Variants in TENT4B observed in about 807,000 individuals in gnomAD.
TENT4B encodes the protein terminal nucleotidyltransferase 4B.
A neutral mutation model predicts 75.0 loss-of-function variants in TENT4B; 10 were observed. The ratio of observed to expected loss-of-function variants is 0.13; its 90% CI spans 0.08 to 0.23. The LOEUF (loss-of-function observed/expected upper bound fraction) is 0.23. TENT4B is among the 10% of genes least tolerant of loss of function. TENT4B has a pLI of 1.00. For synonymous variants in TENT4B, 350 were observed against 357.7 expected (o/e 0.98, Z 0.24); for missense variants, 579 against 893.8 (o/e 0.65, Z 4.49).
intron 1 of TENT4B, among the ~76,000 whole-genome samples, chr16:50,191,789 C>T (rs2038645081): frequency 6.6e-6 from 1 of 151,914 alleles, no homozygotes; most frequent in Admixed American, 6.6e-5. Context: ...CATGGTGGCA[C>T]ATGCCTGTAA....
intron 3 of TENT4B, among the ~76,000 whole-genome samples, 152 bp downstream of exon 3, chr16:50,214,419 G>T (rs938955333): frequency 1.3e-5 from 2 of 152,164 alleles, no homozygotes; most frequent in Non-Finnish European, 2.9e-5. Context: ...ACTTCGGGAG[G>T]CCAAGGAGGG....
At chr16:50,192,454 T>A (rs2029916264) in intron 1 of TENT4B, among the ~76,000 whole-genome samples, 1 of 152,104 alleles carries the variant, frequency 6.6e-6, no homozygotes, top group Non-Finnish European at 1.5e-5. Context: ...ACACAATAGG[T>A]GCATCTATAG....
intron 1 of TENT4B, among the ~76,000 whole-genome samples, chr16:50,207,865 G>A (rs553154386): frequency 9.8e-5 from 15 of 152,286 alleles, no homozygotes; most frequent in Admixed American, 8.5e-4. Flanking sequence ...CTTCCAGCTC[G>A]TCAGGGTATT....
In TENT4B at chr16:50,231,689, A is replaced by G. The variant is rs2032299820; in HGVS notation, c.*2361A>G. On this transcript the variant is annotated 3_prime_UTR_variant, in exon 12 of 12. Transcript: ENST00000561678. ...GGTAAACAGTATCTTTCTAAAAGAA[A>G]AAAGCATGAAGGAGAAATTGAGGTG... The G allele has an allele frequency of 1.0e-6, 1 of 985,768 alleles. No homozygotes were observed. Among genetic ancestry groups the G allele is most frequent in the African/African-American group, 1.7e-5 (1 of 57,252 alleles). The allele number at this position is 985,768 out of a possible 1,614,324, so 61.1% of individuals were successfully genotyped here.
At chr16:50,191,191 G>T (rs2038631371) in intron 1 of TENT4B, among the ~76,000 whole-genome samples, 1 of 151,946 alleles carries the variant, frequency 6.6e-6, no homozygotes, top group Admixed American at 6.6e-5. Context: ...ATCTATTTGA[G>T]TTTCTGCTAT....
rs1436999335 is a variant in TENT4B, at chr16:50,229,022, CAG to C, written c.1966-129_1966-128del. ...AGCTTTTTCTGCCCACTAGATAAGT[CAG>C]TGATCAGTAAGGTAACAATCTAGCC... On this transcript the variant is annotated intron_variant, in intron 11 of 11. Coordinates refer to ENST00000561678, the MANE Select transcript of TENT4B (RefSeq NM_001365324.3). 26 of 1,484,228 alleles carry C rather than the reference CAG, an allele frequency of 1.8e-5. No individual in the cohort carries two copies. The African/African-American group carries it at 3.6e-4, about 20-fold the overall frequency. The allele number at this position is 1,484,228 out of a possible 1,614,324, so 91.9% of individuals were successfully genotyped here.
intron 2 of TENT4B, 32 bp from the exon 3 acceptor site, chr16:50,214,184 TAACTC>T (rs745743012): frequency 1.4e-6 from 2 of 1,461,084 alleles, no homozygotes; most frequent in South Asian, 1.2e-5. Flanking sequence ...CAACTTCTGA[TAACTC>T]AATATAATAA....
At chr16:50,172,508 C>CT (rs35688042) in intron 1 of TENT4B, among the ~76,000 whole-genome samples, 87,839 of 143,396 alleles carry the variant, frequency 0.61, 28,612 homozygotes, top group South Asian at 0.72. Context: ...GAATTTATTA[C>CT]TTTTTTTTTT....
Position 50,231,587 on chromosome 16 carries a change from T to C in TENT4B, c.*2259T>C. On this transcript the variant is annotated 3_prime_UTR_variant, in exon 12 of 12. Transcript: ENST00000561678. ...GGTGGTGGTAGCGGGAAGATAATTC[T>C]GATTCCATTGGGAATCTTAGGTTTT... is the stretch of plus-strand genomic sequence containing the variant. The C allele has an allele frequency of 1.0e-6, 1 of 985,878 alleles. No homozygotes were observed. Among genetic ancestry groups the C allele is most frequent in the Non-Finnish European group, 1.2e-6 (1 of 829,924 alleles). 61.1% of individuals were successfully genotyped at this position (985,878 alleles called of 1,614,324 possible).
intron 1 of TENT4B, among the ~76,000 whole-genome samples, chr16:50,204,005 G>A (rs1316773997): frequency 6.6e-6 from 1 of 152,198 alleles, no homozygotes; most frequent in Non-Finnish European, 1.5e-5. Context: ...GAGTGAGAAG[G>A]TGATTCTTGA....
rs898654810 is a variant in TENT4B, at chr16:50,230,605, C to T, written c.*1277C>T. The T allele has an allele frequency of 1.0e-6, 1 of 983,002 alleles. No individual in the cohort carries two copies. Among genetic ancestry groups the T allele is most frequent in the Non-Finnish European group, 1.2e-6 (1 of 827,616 alleles). The allele number at this position is 983,002 out of a possible 1,614,324, so 60.9% of individuals were successfully genotyped here. Reference sequence around the variant, plus strand: ...TCTATTTTGTATTGCCTTATTAAGACCAAATACTTCTTGTCATCCCATTCT... The same window carrying T: ...TCTATTTTGTATTGCCTTATTAAGATCAAATACTTCTTGTCATCCCATTCT... On this transcript the variant is annotated 3_prime_UTR_variant, in exon 12 of 12. Transcript: ENST00000561678.
At chr16:50,163,491 C>T (rs1269462622) in intron 1 of TENT4B, among the ~76,000 whole-genome samples, 3 of 150,696 alleles carry the variant, frequency 2.0e-5, no homozygotes, top group African/African-American at 7.3e-5. Context: ...GCTCTGCCTC[C>T]TGGGTTCACG....
At chr16:50,212,910 T>A (rs1310065274) in intron 2 of TENT4B, among the ~76,000 whole-genome samples, 2 of 152,094 alleles carry the variant, frequency 1.3e-5, no homozygotes, top group Admixed American at 1.3e-4. Flanking sequence ...TTAACCCTTA[T>A]CTTTCTTAGG....
intron 1 of TENT4B, among the ~76,000 whole-genome samples, chr16:50,204,872 A>G (rs2030860327): frequency 6.6e-6 from 1 of 152,168 alleles, no homozygotes; most frequent in African/African-American, 2.4e-5. Context: ...AAACTTTGCA[A>G]AATGTACTGG....
chr16:50,234,624 T>TA lies in TENT4B; in HGVS notation c.*5297dup, dbSNP rs2032392243. The TA allele has an allele frequency of 1.0e-6, 1 of 985,100 alleles. No individual in the cohort carries two copies. The highest frequency in any genetic ancestry group is 1.7e-5 in the African/African-American group (1 of 57,246). The allele number at this position is 985,100 out of a possible 1,614,324, so 61.0% of individuals were successfully genotyped here. Reference sequence around the variant, plus strand: ...TCTCTGATTTTTGCATATTGAAACTTACAGAAGTCACTTTAAAAAAGTCTT... The same window carrying TA: ...TCTCTGATTTTTGCATATTGAAACTTAACAGAAGTCACTTTAAAAAAGTCTT... On this transcript the variant is annotated 3_prime_UTR_variant, in exon 12 of 12. Coordinates refer to ENST00000561678, the MANE Select transcript of TENT4B (RefSeq NM_001365324.3).
upstream of TENT4B, chr16:50,152,928 C>A (rs755943174): frequency 1.3e-6 from 2 of 1,489,832 alleles, no homozygotes; most frequent in East Asian, 5.5e-5. Context: ...ACAACGCGCT[C>A]CCTGCGGGGC....
intron 6 of TENT4B, 36 bp from the exon 7 acceptor site, chr16:50,223,137 CA>C: frequency 6.8e-7 from 1 of 1,478,608 alleles, no homozygotes. Context: ...GATAATTTAG[CA>C]AAAATCCAAT....
intron 1 of TENT4B, among the ~76,000 whole-genome samples, chr16:50,181,516 G>A (rs2038416377): frequency 6.7e-6 from 1 of 149,298 alleles, no homozygotes; most frequent in African/African-American, 2.5e-5. Context: ...TGTTGTCCAG[G>A]CTGGTCTTGA....
chr16:50,212,655 A>G (rs1270080039), intron 2 of TENT4B, among the ~76,000 whole-genome samples: 3 of 152,170 alleles, frequency 2.0e-5, no homozygotes, highest in African/African-American at 7.2e-5. Context: ...AGCAATGACC[A>G]TACATCGCAT....
Sources: allele counts gnomAD v4.1 joint callset (sites outside exome capture counted in the v4.1 genomes callset), GRCh38; gene constraint gnomAD v4.1.1; transcripts MANE v1.5; gene names NCBI Gene and HGNC (gene_info 2026-07-23, HGNC 2026-07-21).